KALRN: variants seen among roughly 807,000 people sequenced by gnomAD.
KALRN encodes kalirin RhoGEF kinase, also known as kalirin.
Under a neutral mutation model 353.7 loss-of-function variants are expected in KALRN, and 70 were observed. The ratio of observed to expected loss-of-function variants is 0.20; its 90% CI spans 0.16 to 0.24. The LOEUF (loss-of-function observed/expected upper bound fraction) is 0.24. Among genes scored for constraint, KALRN ranks in the 10% least tolerant of loss-of-function variants. The pLI, the probability that KALRN is intolerant of heterozygous loss-of-function variation, is 1.00. For missense variants in KALRN, 2,791 were observed against 3,756.7 expected, an observed-to-expected ratio of 0.74 and a Z score of 6.72; for synonymous variants, 1,391 against 1,434.8, an observed-to-expected ratio of 0.97 and a Z score of 0.69.
chr3:124,675,003 G>GATATATAT (rs141101032), intron 49 of KALRN: 1 of 146,582 alleles, frequency 6.8e-6, no homozygotes, highest in Middle Eastern at 3.3e-3. Flanking sequence ...TTAAGTAACT[G>GATATATAT]ATATATATAT....
chr3:124,528,348 C>T (rs921464405), intron 33 of KALRN, among the ~76,000 whole-genome samples: 2 of 152,114 alleles, frequency 1.3e-5, no homozygotes, highest in African/African-American at 2.4e-5. Flanking sequence ...TGCTTGGTTC[C>T]CTGTGCCCAA....
chr3:124,314,033 A>C (rs1269882990), intron 6 of KALRN, among the ~76,000 whole-genome samples: 2 of 152,180 alleles, frequency 1.3e-5, no homozygotes, highest in Non-Finnish European at 1.5e-5. Context: ...TCATGCTGCT[A>C]TAAAGACACA....
At chr3:124,544,096 A>C (rs2069353607) in intron 33 of KALRN, among the ~76,000 whole-genome samples, 1 of 152,250 alleles carries the variant, frequency 6.6e-6, no homozygotes, top group African/African-American at 2.4e-5. Flanking sequence ...CTTATGTTAA[A>C]TACTGTAATA....
chr3:124,395,984 T>C (rs780511729), intron 12 of KALRN, among the ~76,000 whole-genome samples: 1 of 152,218 alleles, frequency 6.6e-6, no homozygotes, highest in Non-Finnish European at 1.5e-5. Context: ...TCCTTTCTAT[T>C]GGCATCAATA....
intron 1 of KALRN, among the ~76,000 whole-genome samples, chr3:124,194,040 T>C (rs903929740): frequency 1.3e-5 from 2 of 152,144 alleles, no homozygotes. Context: ...TCAACAGATA[T>C]TCACTGAGTG....
intron 1 of KALRN, chr3:124,152,285 C>T: frequency 8.0e-7 from 1 of 1,244,142 alleles, no homozygotes; most frequent in Non-Finnish European, 1.2e-6. Context: ...ATATATGGTT[C>T]TACAGTCCTC....
intron 34 of KALRN, among the ~76,000 whole-genome samples, chr3:124,607,790 A>G (rs2077504887): frequency 6.6e-6 from 1 of 151,910 alleles, no homozygotes; most frequent in Non-Finnish European, 1.5e-5. Context: ...CTAATTTTGT[A>G]TTTTTAGTAG....
chr3:124,282,395 T>TTTTG (rs2075435192), intron 5 of KALRN, among the ~76,000 whole-genome samples: 1 of 151,016 alleles, frequency 6.6e-6, no homozygotes, highest in Non-Finnish European at 1.5e-5. Flanking sequence ...TTTTTTTTTT[T>TTTTG]GAGATGGAGT....
At chr3:124,711,351 T>A (rs968318520) in intron 57 of KALRN, among the ~76,000 whole-genome samples, 1 of 152,076 alleles carries the variant, frequency 6.6e-6, no homozygotes, top group Non-Finnish European at 1.5e-5. Flanking sequence ...TGCAAATATA[T>A]GATGAGAAAA....
At chr3:124,209,961 C>T (rs189340114) in intron 1 of KALRN, among the ~76,000 whole-genome samples, 2 of 152,168 alleles carry the variant, frequency 1.3e-5, no homozygotes, top group African/African-American at 4.8e-5. Context: ...TGAAATAACT[C>T]ATTTTCATTT....
At chr3:124,631,051 G>T (rs1377543132) in intron 34 of KALRN, among the ~76,000 whole-genome samples, 2 of 152,046 alleles carry the variant, frequency 1.3e-5, no homozygotes, top group African/African-American at 4.8e-5. Context: ...CAACTCTCCT[G>T]ACCTATCAGG....
At chr3:124,532,536 T>A (rs994173407) in intron 33 of KALRN, among the ~76,000 whole-genome samples, 1 of 152,222 alleles carries the variant, frequency 6.6e-6, no homozygotes, top group African/African-American at 2.4e-5. Context: ...CTGGGCATGG[T>A]GGCTCATGCC....
rs571383360 is a variant in KALRN, at chr3:124,189,573, C to T, written c.74-38417C>T. On this transcript the variant is annotated intron_variant, in intron 1 of 59. Coordinates refer to ENST00000682506, the MANE Select transcript of KALRN (RefSeq NM_001388419.1). ...ATCCTAGCACTTTGGGAAGCCGAGG[C>T]GGGTGGATCACCTGAGGTCAGGCGT... Among the ~76,000 whole-genome samples, 7 of 152,224 alleles carry T rather than the reference C, an allele frequency of 4.6e-5. 1 individual carries two copies. The highest frequency in any genetic ancestry group is 1.2e-4 in the African/African-American group (5 of 41,560).
intron 9 of KALRN, among the ~76,000 whole-genome samples, chr3:124,335,366 T>A (rs1226634185): frequency 6.6e-6 from 1 of 152,252 alleles, no homozygotes; most frequent in Non-Finnish European, 1.5e-5. Context: ...GTAGTTTCTT[T>A]TTTTTTGTAT....
At chr3:124,592,309 CA>C (rs10575664) in intron 34 of KALRN, among the ~76,000 whole-genome samples, 13,052 of 120,666 alleles carry the variant, frequency 0.11, 1,144 homozygotes, top group East Asian at 0.36. Context: ...CTCAAAGAAA[CA>C]AAAAAAAAAA....
intron 51 of KALRN, among the ~76,000 whole-genome samples, chr3:124,680,145 G>C (rs183657030): frequency 6.6e-5 from 10 of 152,350 alleles, no homozygotes; most frequent in African/African-American, 2.4e-4. Context: ...CCGTGTGAAG[G>C]AAAAGGAGCC....
Position 124,347,038 on chromosome 3 carries a change from T to C in KALRN, c.1648-105T>C, listed in dbSNP as rs1056896897. ...TCCACCTGAACTGCTGCTTTACAACTGGGATGGGATATAGGGGTGGTTAGG... is the reference window on the plus strand; with the variant it reads ...TCCACCTGAACTGCTGCTTTACAACCGGGATGGGATATAGGGGTGGTTAGG... On this transcript the variant is annotated intron_variant, in intron 9 of 59. Coordinates refer to ENST00000682506, the MANE Select transcript of KALRN (RefSeq NM_001388419.1). 33 of 1,530,846 alleles carry C rather than the reference T, an allele frequency of 2.2e-5. No homozygotes were observed. The East Asian group carries it at 7.3e-4, about 34-fold the overall frequency. 94.8% of individuals were successfully genotyped at this position (1,530,846 alleles called of 1,614,324 possible).
chr3:124,353,172 C>G (rs922223312), intron 10 of KALRN, among the ~76,000 whole-genome samples: 3 of 151,832 alleles, frequency 2.0e-5, no homozygotes, highest in African/African-American at 7.3e-5. Context: ...AAAACTGGAA[C>G]TATAAAAAAA....
At chr3:124,684,660 A>G (rs57876057) in intron 51 of KALRN, among the ~76,000 whole-genome samples, 3,323 of 152,324 alleles carry the variant, frequency 0.022, 66 homozygotes, top group East Asian at 0.079. Context: ...GTGTGCTAAC[A>G]AAGGACTTTG....
Sources: gnomAD v4.1 joint callset for allele counts (sites outside exome capture counted in the v4.1 genomes callset) on GRCh38, gnomAD v4.1.1 for gene constraint, MANE v1.5 for transcripts, NCBI Gene and HGNC (gene_info 2026-07-23, HGNC 2026-07-21) for gene names.